The following TEDC1 variants were observed in gnomAD, a reference collection of about 807,000 sequenced individuals.
The protein encoded by TEDC1 is tubulin epsilon and delta complex 1.
A neutral mutation model predicts 59.9 loss-of-function variants in TEDC1; 54 were observed. The ratio of observed to expected loss-of-function variants is 0.90; its 90% CI spans 0.72 to 1.13. The LOEUF (loss-of-function observed/expected upper bound fraction) is 1.13, where lower values mean the gene tolerates loss of function less well. TEDC1 is among the 50% of genes most tolerant of loss of function. The pLI is 0.00. For missense variants in TEDC1, 734 were observed against 683.4 expected (o/e 1.07, Z -0.83); for synonymous variants, 353 against 298.1 (o/e 1.18, Z -1.90).
At chr14:105,490,969 C>T (rs1294637316), upstream of TEDC1, 5 of 1,453,738 alleles carry the variant, frequency 3.4e-6, no homozygotes, top group African/African-American at 7.0e-5. Context: ...GCGGTGTTCT[C>T]CATATCAACA....
intron 8 of TEDC1, 118 bp from the exon 9 acceptor site, chr14:105,498,499 A>G (rs2084397114): frequency 5.4e-6 from 6 of 1,115,660 alleles, no homozygotes; most frequent in South Asian, 1.7e-5. Context: ...TCTGAAGAGC[A>G]TGGGCGTTTC....
chr14:105,498,912 C>T lies in TEDC1; in HGVS notation c.1454C>T (p.Pro485Leu), dbSNP rs782423488. ...CTGGCCAGGCTGGTGGGAGCCCGCCCTGGTCTCATCTGGATCCCGCCACCT... is the reference window on the plus strand; with the variant it reads ...CTGGCCAGGCTGGTGGGAGCCCGCCTTGGTCTCATCTGGATCCCGCCACCT... ...QELARLVGAR[P>L]GLIWIPPPGR Residue 485 changes from proline to leucine, a missense_variant, in exon 9 of 9, where the codon CCT (proline) becomes CTT (leucine). Coordinates refer to ENST00000392523, the MANE Select transcript of TEDC1 (RefSeq NM_001367178.1). The T allele has an allele frequency of 1.9e-6, 3 of 1,610,182 alleles. No individual in the cohort carries two copies. The highest frequency in any genetic ancestry group is 1.7e-5 in the Admixed American group (1 of 59,820).
At chr14:105,497,666 C>T in intron 7 of TEDC1, 132 bp from the exon 8 acceptor site, 9 of 1,264,516 alleles carry the variant, frequency 7.1e-6, no homozygotes, top group Non-Finnish European at 7.5e-6. Context: ...TTGTGCCTCC[C>T]TGGACGTCAC....
chr14:105,494,152 A>C, intron 5 of TEDC1: 2 of 581,612 alleles, frequency 3.4e-6, no homozygotes, highest in Non-Finnish European at 3.1e-6. Flanking sequence ...CCTTCCACAA[A>C]TCAAGACGTG....
Position 105,492,600 on chromosome 14 carries a change from G to A in TEDC1, c.451G>A (p.Gly151Ser). The A allele has an allele frequency of 1.9e-6, 3 of 1,540,508 alleles. No homozygotes were observed. The highest frequency in any genetic ancestry group is 2.6e-6 in the Non-Finnish European group (3 of 1,146,856). The change falls in exon 4 of 9, where the codon GGC (glycine) becomes AGC (serine). Residue 151 changes from glycine (G) to serine (S), a missense_variant. Coordinates refer to ENST00000392523, the MANE Select transcript of TEDC1 (RefSeq NM_001367178.1). ...VCQCEALASP[G>S]PPAPHMEAEG... ...CCAGTGTGAGGCCCTGGCCAGCCCT[G>A]GCCCACCTGCACCCCACATGGAAGC...
intron 6 of TEDC1, chr14:105,496,599 C>T (rs1420577730): frequency 1.7e-5 from 3 of 171,996 alleles, no homozygotes; most frequent in East Asian, 1.8e-4. Context: ...TGCCCCGGGC[C>T]CAGGGTCACT....
chr14:105,494,942 C>G (rs1272760845), intron 5 of TEDC1: 13 of 152,320 alleles, frequency 8.5e-5, no homozygotes, highest in Admixed American at 8.5e-4. Context: ...ACAGTCTTGG[C>G]TCACTGCAAC....
chr14:105,490,957 C>T, upstream of TEDC1: 1 of 1,373,470 alleles, frequency 7.3e-7, no homozygotes, highest in Non-Finnish European at 1.0e-6. Context: ...AGGGCGGACT[C>T]TGCGGTGTTC....
chr14:105,493,721 T>G, intron 4 of TEDC1, 114 bp from the exon 5 acceptor site: 1 of 729,876 alleles, frequency 1.4e-6, no homozygotes. Context: ...TGAGCCCTCT[T>G]TCCTCATCTG....
At chr14:105,490,793 C>G (rs1278760726), upstream of TEDC1, 2 of 574,268 alleles carry the variant, frequency 3.5e-6, no homozygotes, top group Non-Finnish European at 3.1e-6. Context: ...GGGCGAGGCT[C>G]GTCCGCTCCG....
rs1480795063 is a variant in TEDC1 at position 105,492,583 on chromosome 14, A to G, written c.434A>G (p.Glu145Gly). ...LGDEMTVCQC[E>G]ALASPGPPAP... ...CTGACCCTTGCCCCTCTCCAGTGTG[A>G]GGCCCTGGCCAGCCCTGGCCCACCT... The change falls in exon 4 of 9, where the codon GAG becomes GGG. Residue 145 changes from glutamate (E) to glycine (G), a missense_variant. Coordinates refer to ENST00000392523, the MANE Select transcript of TEDC1 (RefSeq NM_001367178.1). The G allele has an allele frequency of 6.5e-7, 1 of 1,538,338 alleles. No individual in the cohort carries two copies. Among genetic ancestry groups the G allele is most frequent in the Non-Finnish European group, 8.7e-7 (1 of 1,146,684 alleles).
chr14:105,497,473 C>A (rs1555440683), intron 7 of TEDC1, 30 bp downstream of exon 7: 1 of 1,537,508 alleles, frequency 6.5e-7, no homozygotes, highest in Non-Finnish European at 8.7e-7. Flanking sequence ...CCTCTCCCGG[C>A]ATCCCTTCCC....
At chr14:105,497,468 C>T (rs1423406242) in intron 7 of TEDC1, 25 bp downstream of exon 7, 4 of 1,538,934 alleles carry the variant, frequency 2.6e-6, no homozygotes, top group African/African-American at 1.4e-5. Context: ...GCATCCCTCT[C>T]CCGGCATCCC....
At position 105,498,639 on chromosome 14, in the gene TEDC1, C is replaced by T. The variant is rs2084401066; in HGVS notation, c.1181C>T (p.Pro394Leu). 6.4e-7 allele frequency: 1 copy of T among 1,551,686 alleles called. No individual in the cohort carries two copies. The highest frequency in any genetic ancestry group is 8.7e-7 in the Non-Finnish European group (1 of 1,147,742). The change falls in exon 9 of 9, where the codon CCA becomes CTA. Residue 394 changes from proline (P) to leucine (L), a missense_variant. Transcript: ENST00000392523. ...CAGGCTGGAGGCTGTGGACGGGGGCCAGAGTGGAGTGCCGCGCGGCGGGCC... is the reference window on the plus strand; with the variant it reads ...CAGGCTGGAGGCTGTGGACGGGGGCTAGAGTGGAGTGCCGCGCGGCGGGCC... ...EAKAGGCGRG[P>L]EWSAARRASR...
chr14:105,496,149 T>TGGGGGGGGGGGGGGGGGCCCCCCCGGG, intron 6 of TEDC1, 63 bp downstream of exon 6: 2 of 81,278 alleles, frequency 2.5e-5, no homozygotes, highest in Admixed American at 1.9e-4. Flanking sequence ...TGGGAGGGGG[T>TGGGGGGGGGGGGGGGGGCCCCCCCGGG]GGCGAGGGGG....
upstream of TEDC1, chr14:105,491,012 G>C (rs2084192738): frequency 8.4e-6 from 13 of 1,549,198 alleles, no homozygotes; most frequent in Non-Finnish European, 1.7e-6. Context: ...GGGTCCGCAC[G>C]AGACAGAATA....
At chr14:105,498,433 G>A (rs587731198) in intron 8 of TEDC1, among the ~76,000 whole-genome samples, 184 bp from the exon 9 acceptor site, 1 of 152,354 alleles carries the variant, frequency 6.6e-6, no homozygotes, top group Admixed American at 6.5e-5. Flanking sequence ...TTTTTCTGAA[G>A]AGTTTTAACT....
rs1035050300 is a variant in TEDC1 at position 105,498,971 on chromosome 14, G to A, written c.*25G>A. ...AGGGCCTGTCGACGGGCCCTCGTGT[G>A]GGAAGCCTGCCCTGGCCCAGCCTGG... On this transcript the variant is annotated 3_prime_UTR_variant, in exon 9 of 9. Transcript: ENST00000392523. 2 of 1,575,076 alleles carry A rather than the reference G, an allele frequency of 1.3e-6. No homozygotes were observed. Among genetic ancestry groups the A allele is most frequent in the Non-Finnish European group, 1.7e-6 (2 of 1,160,392 alleles).
chr14:105,497,973 C>G lies in TEDC1; in HGVS notation c.1154C>G (p.Ala385Gly). Residue 385 changes from alanine to glycine, a missense_variant, in exon 8 of 9, where the codon GCC becomes GGC. By Grantham distance (60) the Ala-to-Gly change is moderately conservative. Transcript: ENST00000392523. ...AAERRRAAWEAKAGGCGRGPE... is the reference protein window; with the variant it reads ...AAERRRAAWEGKAGGCGRGPE... ...GAGCGCAGGCGGGCGGCCTGGGAGG[C>G]CAAGGTGAGTGCCAGCCTCGCTCTG... 1 of 1,526,634 alleles carries G rather than the reference C, an allele frequency of 6.6e-7. No individual in the cohort carries two copies. The highest frequency in any genetic ancestry group is 8.8e-7 in the Non-Finnish European group (1 of 1,136,928). The allele number at this position is 1,526,634 out of a possible 1,614,324, so 94.6% of individuals were successfully genotyped here.
Sources: gnomAD v4.1 joint callset for allele counts (sites outside exome capture counted in the v4.1 genomes callset) on GRCh38, gnomAD v4.1.1 for gene constraint, MANE v1.5 for transcripts, NCBI Gene and HGNC (gene_info 2026-07-23, HGNC 2026-07-21) for gene names.